Variants in FRMPD2 observed in about 807,000 individuals in gnomAD.
The protein encoded by FRMPD2 is FERM and PDZ domain containing 2, also known as FERM and PDZ domain-containing protein 2.
In FRMPD2, 96 loss-of-function variants were observed where a neutral mutation model predicts 140.1. The ratio of observed to expected loss-of-function variants is 0.69; its 90% confidence interval spans 0.58 to 0.81. The LOEUF (loss-of-function observed/expected upper bound fraction) is 0.81. Among genes scored for constraint, FRMPD2 ranks in the 40% least tolerant of loss-of-function variants. FRMPD2 has a pLI of 0.00. For synonymous variants in FRMPD2, 449 were observed against 547.6 expected (o/e 0.82, Z 2.52); for missense variants, 1,240 against 1,447.4 (o/e 0.86, Z 2.32).
intron 9 of FRMPD2, among the ~76,000 whole-genome samples, chr10:48,233,148 A>G (rs372952958): frequency 3.9e-5 from 6 of 152,290 alleles, no homozygotes; most frequent in African/African-American, 1.2e-4. Flanking sequence ...GACAGACACT[A>G]GCATATGTGG....
Position 48,223,082 on chromosome 10 carries a change from A to G in FRMPD2, c.1316+41T>C, listed in dbSNP as rs529135194. On this transcript the variant is annotated intron_variant, in intron 11 of 28. Transcript: ENST00000374201. The stretch of plus-strand genomic sequence containing the variant: ...CCTCTCCGTCAGCCTGGACATACAT[A>G]AATCCCTTAAGGAACAAATGAACAG... The G allele has an allele frequency of 1.4e-5, 22 of 1,574,220 alleles. No individual in the cohort carries two copies. In the African/African-American group the frequency reaches 2.7e-4, roughly 19 times the overall value.
Position 48,274,634 on chromosome 10 carries a change from C to G in FRMPD2, c.-67G>C. The G allele has an allele frequency of 6.7e-7, 1 of 1,499,140 alleles. No individual in the cohort carries two copies. Among genetic ancestry groups the G allele is most frequent in the South Asian group, 1.1e-5 (1 of 87,850 alleles). The allele number at this position is 1,499,140 out of a possible 1,614,324, so 92.9% of individuals were successfully genotyped here. ...CAACTTTCCAACAAGGAGCAGGGGTCTCTTGCAAGTCTGTCCGCGGAGCTC... is the reference window on the plus strand; with the variant it reads ...CAACTTTCCAACAAGGAGCAGGGGTGTCTTGCAAGTCTGTCCGCGGAGCTC... On this transcript the variant is annotated 5_prime_UTR_variant, in exon 1 of 29. Coordinates refer to ENST00000374201, the MANE Select transcript of FRMPD2 (RefSeq NM_001018071.4).
rs371365489 is a variant in FRMPD2, at chr10:48,237,947, C to G, written c.921+44G>C. 812 of 1,612,980 alleles carry G rather than the reference C, an allele frequency of 5.0e-4. 1 individual carries two copies. Among genetic ancestry groups the G allele is most frequent in the Non-Finnish European group, 6.5e-4 (764 of 1,179,410 alleles). On this transcript the variant is annotated intron_variant, in intron 8 of 28. Coordinates refer to ENST00000374201, the MANE Select transcript of FRMPD2 (RefSeq NM_001018071.4). The stretch of plus-strand genomic sequence containing the variant: ...CGTGCCAGCCACCCACAGCTCCCTG[C>G]TCAAGCCTCCTTGAGGAGTGTCCTT...
At chr10:48,183,536 C>T (rs1409991289) in intron 20 of FRMPD2, among the ~76,000 whole-genome samples, 2 of 152,092 alleles carry the variant, frequency 1.3e-5, no homozygotes, top group African/African-American at 2.4e-5. Context: ...GTAAGAAGAG[C>T]GAGCTTGCCA....
intron 3 of FRMPD2, among the ~76,000 whole-genome samples, chr10:48,247,452 G>A (rs1317339155): frequency 6.6e-6 from 1 of 152,262 alleles, no homozygotes; most frequent in Non-Finnish European, 1.5e-5. Context: ...AGGGACCAAT[G>A]TGATATGCAG....
chr10:48,250,493 CG>C (rs1462421584), intron 2 of FRMPD2, among the ~76,000 whole-genome samples: 8 of 151,874 alleles, frequency 5.3e-5, no homozygotes, highest in Non-Finnish European at 8.8e-5. Context: ...CTCTGCCTCC[CG>C]GGTTCAAGTG....
rs150474796 is a variant in FRMPD2, at chr10:48,265,395, A to C, written c.25+9148T>G. 2.2e-3 allele frequency among the ~76,000 whole-genome samples: 338 copies of C among 152,342 alleles called. 2 individuals are homozygous for C. Among genetic ancestry groups the C allele is most frequent in the Middle Eastern group, 0.01 (3 of 294 alleles). ...TCTAATTAAACTAAAGAGCTTCTGC[A>C]CAGCAAAATAAACTATTAGTACAGT... On this transcript the variant is annotated intron_variant, in intron 1 of 28. Transcript: ENST00000374201.
chr10:48,262,440 C>A (rs139205767), intron 1 of FRMPD2, among the ~76,000 whole-genome samples: 1 of 152,180 alleles, frequency 6.6e-6, no homozygotes, highest in African/African-American at 2.4e-5. Context: ...TCCAAGAAGA[C>A]ATAACAATCT....
chr10:48,274,624 G>A lies in FRMPD2; in HGVS notation c.-57C>T. The A allele has an allele frequency of 6.4e-7, 1 of 1,557,046 alleles. No individual in the cohort carries two copies. The highest frequency in any genetic ancestry group is 8.8e-7 in the Non-Finnish European group (1 of 1,130,200). On this transcript the variant is annotated 5_prime_UTR_variant, in exon 1 of 29. Coordinates refer to ENST00000374201, the MANE Select transcript of FRMPD2 (RefSeq NM_001018071.4). ...CATCATGGGACAACTTTCCAACAAGGAGCAGGGGTCTCTTGCAAGTCTGTC... is the reference window on the plus strand; with the variant it reads ...CATCATGGGACAACTTTCCAACAAGAAGCAGGGGTCTCTTGCAAGTCTGTC...
chr10:48,169,207 C>G (rs1396867233), intron 26 of FRMPD2, among the ~76,000 whole-genome samples: 2 of 150,928 alleles, frequency 1.3e-5, no homozygotes, highest in African/African-American at 4.9e-5. Flanking sequence ...TGACCCTTGG[C>G]TCTGAGCTTC....
rs1275474238 is a variant in FRMPD2 at position 48,242,268 on chromosome 10, C to T, written c.460G>A (p.Val154Ile). The change falls in exon 5 of 29, where the codon GTT becomes ATT. Residue 154 changes from valine to isoleucine, a missense_variant. Around this residue, in one of 6 missense-constraint regions of FRMPD2, gnomAD observed 1,161 missense variants for 1,055.9 expected, o/e 1.10. Coordinates refer to ENST00000374201, the MANE Select transcript of FRMPD2 (RefSeq NM_001018071.4). ...TCATGAACCCGACAAGCTTCCAGAA[C>T]CGACTGCAACGTGCACCGCCTGTGA... The part of the protein sequence containing the change: ...QPHRRCTLQS[V>I]LEACRVHEKE... The T allele has an allele frequency of 6.2e-6, 10 of 1,614,182 alleles. No individual in the cohort carries two copies. Among genetic ancestry groups the T allele is most frequent in the Non-Finnish European group, 7.6e-6 (9 of 1,180,020 alleles).
chr10:48,181,412 T>C (rs1838543153), intron 20 of FRMPD2, among the ~76,000 whole-genome samples: 1 of 152,158 alleles, frequency 6.6e-6, no homozygotes, highest in African/African-American at 2.4e-5. Flanking sequence ...TCAAAGCTAT[T>C]AAGTGTCCTG....
At position 48,206,624 on chromosome 10, in the gene FRMPD2, G is replaced by A. The variant is rs771434628; in HGVS notation, c.1797+124C>T. The A allele has an allele frequency of 2.6e-5, 19 of 722,132 alleles. 1 individual carries two copies. Among genetic ancestry groups the A allele is most frequent in the Admixed American group, 2.0e-4 (8 of 39,064 alleles). 44.7% of individuals were successfully genotyped at this position (722,132 alleles called of 1,614,324 possible). A position where few individuals can be genotyped will look rare whatever the true frequency, so the allele number is the denominator to read the frequency against. On this transcript the variant is annotated intron_variant, in intron 14 of 28. Transcript: ENST00000374201. ...GCATCAGAATGCAGGTTAACAAACA[G>A]ACAGGCTGTGAGAATGTTTGGTCAG...
At chr10:48,185,863 G>A (rs1425769080) in intron 17 of FRMPD2, among the ~76,000 whole-genome samples, 1 of 152,232 alleles carries the variant, frequency 6.6e-6, no homozygotes, top group Non-Finnish European at 1.5e-5. Flanking sequence ...GTCACTCAGT[G>A]TTGCTCAAGT....
At chr10:48,236,135 G>A (rs1233219977) in intron 9 of FRMPD2, among the ~76,000 whole-genome samples, 3 of 150,264 alleles carry the variant, frequency 2.0e-5, no homozygotes, top group Non-Finnish European at 4.4e-5. Context: ...TGTCTTTGCC[G>A]CCTCCTTCTA....
intron 6 of FRMPD2, 81 bp from the exon 7 acceptor site, chr10:48,239,773 G>A: frequency 7.2e-6 from 7 of 978,112 alleles, no homozygotes; most frequent in Non-Finnish European, 1.1e-5. Context: ...GAGCATGAAT[G>A]GCATCATGAC....
intron 9 of FRMPD2, among the ~76,000 whole-genome samples, chr10:48,236,047 GTTTT>G (rs1199575928): frequency 6.9e-6 from 1 of 145,634 alleles, no homozygotes; most frequent in Non-Finnish European, 1.5e-5. Flanking sequence ...CTTCTTCGTT[GTTTT>G]TTTGTTTTTG....
At chr10:48,242,076 A>T in intron 5 of FRMPD2, 85 bp downstream of exon 5, 1 of 945,580 alleles carries the variant, frequency 1.1e-6, no homozygotes, top group East Asian at 2.6e-5. Context: ...ATTTTATTTT[A>T]GTTAATGATA....
intron 9 of FRMPD2, among the ~76,000 whole-genome samples, 193 bp from the exon 10 acceptor site, chr10:48,232,482 G>T (rs1257220182): frequency 1.3e-5 from 2 of 152,176 alleles, no homozygotes; most frequent in Non-Finnish European, 2.9e-5. Context: ...CTTGCCTAGG[G>T]TTTGCACAGT....
Sources: gnomAD v4.1 joint callset for allele counts (sites outside exome capture counted in the v4.1 genomes callset) on GRCh38, gnomAD v4.1.1 for gene constraint, gnomAD v4.1.1 regional missense constraint, MANE v1.5 for transcripts, NCBI Gene and HGNC (gene_info 2026-07-23, HGNC 2026-07-21) for gene names.